ELANE: variants seen among roughly 807,000 people sequenced by gnomAD.
ELANE encodes neutrophil elastase.
A neutral mutation model predicts 20.6 loss-of-function variants in ELANE; 12 were observed. That is an observed-to-expected ratio of 0.58 (90% confidence interval 0.37 to 0.94). The LOEUF is 0.94. ELANE is among the 40% of genes least tolerant of loss of function. The pLI is 0.01. For synonymous variants in ELANE, 203 were observed against 177.4 expected, an observed-to-expected ratio of 1.14 and a Z score of -1.15; for missense variants, 388 against 395.2, an observed-to-expected ratio of 0.98 and a Z score of 0.15.
Position 855,467 on chromosome 19 carries a change from C to T in ELANE, c.367-97C>T, listed in dbSNP as rs1263957953. ...CCTGCCCTGCAGGATCCCAGAACCA[C>T]AGTGGAACCTGAGATGGGGAAACTG... On this transcript the variant is annotated intron_variant, in intron 3 of 4. Transcript: ENST00000263621. This position sits in a 1 kb window ranked among gnomAD's most constrained non-coding sequence, Gnocchi z 6.2. 5.3e-5 allele frequency: 71 copies of T among 1,344,750 alleles called. No homozygotes were observed. Among genetic ancestry groups the T allele is most frequent in the Non-Finnish European group, 6.6e-5 (64 of 970,902 alleles). 83.3% of individuals were successfully genotyped at this position (1,344,750 alleles called of 1,614,324 possible). A position where few individuals can be genotyped will look rare whatever the true frequency, so the allele number is the denominator to read the frequency against.
At position 855,785 on chromosome 19, in the gene ELANE, C is replaced by T. The variant is rs200795168; in HGVS notation, c.588C>T (p.Gly196=). Residue 196 remains glycine (G), a synonymous_variant, in exon 4 of 5, where the codon GGC becomes GGT. Coordinates refer to ENST00000263621, the MANE Select transcript of ELANE (RefSeq NM_001972.4). The surrounding 1 kb of genome is among the most constrained non-coding windows in gnomAD (Gnocchi z 6.2). ...CTCTCGTGAGGGGCCGGCAGGCCGGCGTCTGTTTCGTACGTGCCCTGGGTG... is the reference window on the plus strand; with the variant it reads ...CTCTCGTGAGGGGCCGGCAGGCCGGTGTCTGTTTCGTACGTGCCCTGGGTG... ...VCTLVRGRQA[G]VCFGDSGSPL... is the part of the protein sequence containing the mutation. The T allele has an allele frequency of 3.1e-6, 5 of 1,608,316 alleles. No homozygotes were observed. Among genetic ancestry groups the T allele is most frequent in the African/African-American group, 2.7e-5 (2 of 74,888 alleles).
chr19:852,833 C>T (rs1245329698), intron 1 of ELANE, 43 bp from the exon 2 acceptor site: 16 of 1,584,732 alleles, frequency 1.0e-5, no homozygotes, highest in Admixed American at 1.7e-5. Context: ...AGGGGACAGG[C>T]TCCTTGGCAG....
rs753726092 is a variant in ELANE at position 855,674 on chromosome 19, G to C, written c.477G>C (p.Leu159=). 6.2e-7 allele frequency: 1 copy of C among 1,608,804 alleles called. No individual in the cohort carries two copies. Among genetic ancestry groups the C allele is most frequent in the Admixed American group, 1.7e-5 (1 of 60,014 alleles). ...VQCLAMGWGL[L]GRNRGIASVL... is the part of the protein sequence containing the mutation. The stretch of plus-strand genomic sequence containing the variant: ...GCCTGGCCATGGGCTGGGGCCTTCT[G>C]GGCAGGAACCGTGGGATCGCCAGCG... The change falls in exon 4 of 5, where the codon CTG becomes CTC. Residue 159 remains leucine (L), a synonymous_variant. Coordinates refer to ENST00000263621, the MANE Select transcript of ELANE (RefSeq NM_001972.4). This position sits in a 1 kb window ranked among gnomAD's most constrained non-coding sequence, Gnocchi z 6.2.
At chr19:852,417 C>T in intron 1 of ELANE, 22 bp downstream of exon 1, 2 of 1,605,582 alleles carry the variant, frequency 1.2e-6, no homozygotes, top group Non-Finnish European at 1.7e-6. Context: ...AGTCCAACCT[C>T]CCGCTGCTCC....
Position 853,017 on chromosome 19 carries a change from A to C in ELANE, c.209A>C (p.His70Pro). The change falls in exon 2 of 5, where the codon CAC becomes CCC. Residue 70 changes from histidine (H) to proline (P), a missense_variant. This residue lies in a region of ELANE where 321 missense variants were observed against 309.8 expected (regional missense o/e 1.04). Coordinates refer to ENST00000263621, the MANE Select transcript of ELANE (RefSeq NM_001972.4). The part of the protein sequence containing the change: ...IAPNFVMSAA[H>P]CVANVNVRAV... Reference sequence around the variant, plus strand: ...CCCAACTTCGTCATGTCGGCCGCGCACTGCGTGGCGAATGTGTGAGTAGCC... The same window carrying C: ...CCCAACTTCGTCATGTCGGCCGCGCCCTGCGTGGCGAATGTGTGAGTAGCC... 1 of 1,566,364 alleles carries C rather than the reference A, an allele frequency of 6.4e-7. No individual in the cohort carries two copies. The highest frequency in any genetic ancestry group is 8.6e-7 in the Non-Finnish European group (1 of 1,163,356).
In ELANE at chr19:853,265, C is replaced by A. The variant is rs746799175; in HGVS notation, c.228C>A (p.Asn76Lys). The change falls in exon 3 of 5, where the codon AAC becomes AAA. Residue 76 changes from asparagine (N) to lysine (K), a missense_variant. Physicochemically the swap from Asn to Lys is moderately conservative, Grantham distance 94. Transcript: ENST00000263621. ...CCCGCCTCTCCCTCCCCGGCAGAAA[C>A]GTCCGCGCGGTGCGGGTGGTCCTGG... ...MSAAHCVANV[N>K]VRAVRVVLGA... 4 of 1,599,596 alleles carry A rather than the reference C, an allele frequency of 2.5e-6. No individual in the cohort carries two copies. Among genetic ancestry groups the A allele is most frequent in the Non-Finnish European group, 3.4e-6 (4 of 1,173,880 alleles).
In ELANE at chr19:855,639, G is replaced by A. The variant is rs774508567; in HGVS notation, c.442G>A (p.Gly148Arg). ...GGCTCAGGGACGCCGCCTGGGCAAC[G>A]GGGTGCAGTGCCTGGCCATGGGCTG... ...LPAQGRRLGN[G>R]VQCLAMGWGL... The change falls in exon 4 of 5, where the codon GGG becomes AGG. Residue 148 changes from glycine (G) to arginine (R), a missense_variant. Around this residue, in one of 3 missense-constraint regions of ELANE, gnomAD observed 321 missense variants for 309.8 expected, o/e 1.04. Coordinates refer to ENST00000263621, the MANE Select transcript of ELANE (RefSeq NM_001972.4). This position sits in a 1 kb window ranked among gnomAD's most constrained non-coding sequence, Gnocchi z 6.2. The A allele has an allele frequency of 3.1e-6, 5 of 1,605,968 alleles. No individual in the cohort carries two copies. The highest frequency in any genetic ancestry group is 1.3e-5 in the African/African-American group (1 of 75,038).
chr19:853,461 G>T (rs2035629135), intron 3 of ELANE, 58 bp downstream of exon 3: 1 of 1,540,204 alleles, frequency 6.5e-7, no homozygotes. Flanking sequence ...GGGGAGGGTG[G>T]AGGCTGCGAC....
intron 2 of ELANE, 47 bp downstream of exon 2, chr19:853,079 G>T: frequency 6.6e-7 from 1 of 1,523,602 alleles, no homozygotes; most frequent in Non-Finnish European, 8.8e-7. Flanking sequence ...CCGCGTCCCG[G>T]TCTGTGAGGT....
chr19:853,310 G>A lies in ELANE; in HGVS notation c.273G>A (p.Arg91=). The A allele has an allele frequency of 6.2e-7, 1 of 1,610,922 alleles. No homozygotes were observed. The highest frequency in any genetic ancestry group is 8.5e-7 in the Non-Finnish European group (1 of 1,179,058). The change falls in exon 3 of 5, where the codon CGG becomes CGA. Residue 91 remains arginine (R), a synonymous_variant. Coordinates refer to ENST00000263621, the MANE Select transcript of ELANE (RefSeq NM_001972.4). ...TCCTGGGAGCCCATAACCTCTCGCG[G>A]CGGGAGCCCACCCGGCAGGTGTTCG... ...RVVLGAHNLS[R]REPTRQVFAV...
intron 3 of ELANE, among the ~76,000 whole-genome samples, chr19:854,811 T>C (rs916352910): frequency 2.0e-4 from 29 of 146,590 alleles, no homozygotes; most frequent in African/African-American, 6.9e-4. Flanking sequence ...ATATAAAATA[T>C]ATAAAAATAT....
chr19:853,500 G>T, intron 3 of ELANE, 97 bp downstream of exon 3: 1 of 1,428,378 alleles, frequency 7.0e-7, no homozygotes, highest in African/African-American at 1.4e-5. Context: ...CGCTCGTGGG[G>T]ACCTGGGGTG....
chr19:854,149 G>T (rs1323581502), intron 3 of ELANE, among the ~76,000 whole-genome samples: 1 of 152,180 alleles, frequency 6.6e-6, no homozygotes, highest in Non-Finnish European at 1.5e-5. Flanking sequence ...TGCAGTTCTG[G>T]TTATTTCCTG....
Position 855,556 on chromosome 19 carries a change from C to T in ELANE, c.367-8C>T, listed in dbSNP as rs200752339. 51 of 1,598,586 alleles carry T rather than the reference C, an allele frequency of 3.2e-5. No homozygotes were observed. The highest frequency in any genetic ancestry group is 7.7e-5 in the South Asian group (7 of 91,058). Reference sequence around the variant, plus strand: ...TGACGCGCTGACGATCTGTCCCCACCGCCACAGCTCAACGGGTCGGCCACC... The same window carrying T: ...TGACGCGCTGACGATCTGTCCCCACTGCCACAGCTCAACGGGTCGGCCACC... On this transcript the variant is annotated splice_polypyrimidine_tract_variant and splice_region_variant and intron_variant, in intron 3 of 4. Transcript: ENST00000263621. This position sits in a 1 kb window ranked among gnomAD's most constrained non-coding sequence, Gnocchi z 6.2.
intron 3 of ELANE, 68 bp downstream of exon 3, chr19:853,471 C>G: frequency 5.9e-6 from 9 of 1,524,910 alleles, no homozygotes; most frequent in Non-Finnish European, 8.0e-6. Context: ...GAGGCTGCGA[C>G]GGAGGGGCGC....
At chr19:854,251 G>A (rs2035639092) in intron 3 of ELANE, among the ~76,000 whole-genome samples, 2 of 151,874 alleles carry the variant, frequency 1.3e-5, no homozygotes, top group African/African-American at 4.8e-5. Context: ...AGACCAGCCT[G>A]AGCAACATAG....
rs989707160 is a variant in ELANE, at chr19:855,451, C to A, written c.367-113C>A. On this transcript the variant is annotated intron_variant, in intron 3 of 4. Coordinates refer to ENST00000263621, the MANE Select transcript of ELANE (RefSeq NM_001972.4). This position sits in a 1 kb window ranked among gnomAD's most constrained non-coding sequence, Gnocchi z 6.2. ...AGTGTGGGGTGGGTATCCTGCCCTG[C>A]AGGATCCCAGAACCACAGTGGAACC... 3 of 1,219,892 alleles carry A rather than the reference C, an allele frequency of 2.5e-6. No homozygotes were observed. The highest frequency in any genetic ancestry group is 1.5e-5 in the African/African-American group (1 of 66,598). The allele number at this position is 1,219,892 out of a possible 1,614,324, so 75.6% of individuals were successfully genotyped here. A position where few individuals can be genotyped will look rare whatever the true frequency, so the allele number is the denominator to read the frequency against.
chr19:855,764 C>T lies in ELANE; in HGVS notation c.567C>T (p.Leu189=), dbSNP rs751132983. 5.0e-6 allele frequency: 8 copies of T among 1,609,082 alleles called. No individual in the cohort carries two copies. The highest frequency in any genetic ancestry group is 2.2e-5 in the East Asian group (1 of 44,892). ...GCCGTCGCAGCAACGTCTGCACTCT[C>T]GTGAGGGGCCGGCAGGCCGGCGTCT... is the stretch of plus-strand genomic sequence containing the variant. The part of the protein sequence containing the change: ...SLCRRSNVCT[L]VRGRQAGVCF... The change falls in exon 4 of 5, where the codon CTC becomes CTT. Residue 189 remains leucine, a synonymous_variant. Coordinates refer to ENST00000263621, the MANE Select transcript of ELANE (RefSeq NM_001972.4). This position sits in a 1 kb window ranked among gnomAD's most constrained non-coding sequence, Gnocchi z 6.2.
chr19:855,426 A>T lies in ELANE; in HGVS notation c.367-138A>T. The T allele has an allele frequency of 1.1e-6, 1 of 946,060 alleles. No individual in the cohort carries two copies. The highest frequency in any genetic ancestry group is 2.0e-5 in the Admixed American group (1 of 50,068). The allele number at this position is 946,060 out of a possible 1,614,324, so 58.6% of individuals were successfully genotyped here. A position where few individuals can be genotyped will look rare whatever the true frequency, so the allele number is the denominator to read the frequency against. On this transcript the variant is annotated intron_variant, in intron 3 of 4. Transcript: ENST00000263621. The surrounding 1 kb of genome is among the most constrained non-coding windows in gnomAD (Gnocchi z 6.2). Reference sequence around the variant, plus strand: ...AACCGAGGCTTGCCTTGGGGAGCAGAGTGTGGGGTGGGTATCCTGCCCTGC... The same window carrying T: ...AACCGAGGCTTGCCTTGGGGAGCAGTGTGTGGGGTGGGTATCCTGCCCTGC...
Sources: gnomAD v4.1 joint callset for allele counts (sites outside exome capture counted in the v4.1 genomes callset) on GRCh38, gnomAD v4.1.1 for gene constraint, gnomAD v4.1.1 regional missense constraint, Gnocchi (gnomAD v3.1) non-coding constraint, MANE v1.5 for transcripts, NCBI Gene and HGNC (gene_info 2026-07-23, HGNC 2026-07-21) for gene names.